The following PTPRN2 variants were observed in gnomAD, a reference collection of about 807,000 sequenced individuals.
PTPRN2 encodes protein tyrosine phosphatase receptor type N2.
A neutral mutation model predicts 118.8 loss-of-function variants in PTPRN2; 74 were observed. The observed-to-expected ratio is 0.62, with a 90% CI of 0.52 to 0.76. The LOEUF is 0.76. Among genes scored for constraint, PTPRN2 ranks in the 30% least tolerant of loss-of-function variants. The pLI is 0.00. For missense variants in PTPRN2, 1,481 were observed against 1,394.4 expected (o/e 1.06, Z -0.99); for synonymous variants, 641 against 608.0 (o/e 1.05, Z -0.80).
chr7:157,959,652 T>C (rs916997947), intron 11 of PTPRN2, among the ~76,000 whole-genome samples: 3 of 152,128 alleles, frequency 2.0e-5, no homozygotes, highest in African/African-American at 7.2e-5. Flanking sequence ...TTCACACTCC[T>C]CAGGACGGCC....
chr7:158,220,746 T>C (rs1828295522), intron 3 of PTPRN2, among the ~76,000 whole-genome samples: 1 of 151,794 alleles, frequency 6.6e-6, no homozygotes, highest in Non-Finnish European at 1.5e-5. Context: ...CGCTCATGGA[T>C]AGGAAGAATC....
rs1352764688 is a variant in PTPRN2 at position 157,684,252 on chromosome 7, GAA to G, written c.1789-1317_1789-1316del. Among the ~76,000 whole-genome samples, 8 of 151,976 alleles carry G rather than the reference GAA, an allele frequency of 5.3e-5. No individual in the cohort carries two copies. The East Asian group carries it at 1.2e-3, about 22-fold the overall frequency. ...GTTAATGGAAACGCGGGTTAAATGA[GAA>G]AAGACGCCCGGATTTTCCTGCCTGG... On this transcript the variant is annotated intron_variant, in intron 12 of 22. Coordinates refer to ENST00000389418, the MANE Select transcript of PTPRN2 (RefSeq NM_002847.5).
intron 2 of PTPRN2, among the ~76,000 whole-genome samples, chr7:158,333,787 C>T (rs1409962180): frequency 1.0e-4 from 15 of 147,850 alleles, no homozygotes; most frequent in Non-Finnish European, 2.2e-4. Flanking sequence ...CACACACACA[C>T]TCTCACCATA....
chr7:158,184,172 T>C (rs1437748822), intron 5 of PTPRN2, among the ~76,000 whole-genome samples: 1 of 152,166 alleles, frequency 6.6e-6, no homozygotes, highest in East Asian at 1.9e-4. Flanking sequence ...TTTTTAAGGA[T>C]TGTGTTTTTG....
At chr7:158,181,733 A>G (rs1824726754) in intron 5 of PTPRN2, among the ~76,000 whole-genome samples, 1 of 152,178 alleles carries the variant, frequency 6.6e-6, no homozygotes, top group African/African-American at 2.4e-5. Flanking sequence ...TTGTATGCAT[A>G]GAAGTGTTCA....
At chr7:158,298,857 C>T (rs1372148054) in intron 3 of PTPRN2, among the ~76,000 whole-genome samples, 1 of 152,148 alleles carries the variant, frequency 6.6e-6, no homozygotes, top group Admixed American at 6.5e-5. Flanking sequence ...CAGCCCAGAC[C>T]CAGGGGTAAA....
intron 11 of PTPRN2, among the ~76,000 whole-genome samples, chr7:158,024,726 GC>G (rs1330741138): frequency 1.3e-5 from 2 of 150,566 alleles, no homozygotes; most frequent in South Asian, 2.1e-4. Context: ...CAGGAAGGGG[GC>G]CAAGGCCAGC....
intron 11 of PTPRN2, among the ~76,000 whole-genome samples, chr7:158,033,167 T>C (rs1392547643): frequency 7.7e-5 from 6 of 77,852 alleles, no homozygotes; most frequent in South Asian, 3.4e-4. Flanking sequence ...GACAGAGCCA[T>C]TGGGGGCCAC....
intron 12 of PTPRN2, among the ~76,000 whole-genome samples, chr7:157,770,966 C>T (rs529483056): frequency 1.3e-5 from 2 of 152,348 alleles, no homozygotes; most frequent in African/African-American, 2.4e-5. Flanking sequence ...CCCGCTTGGC[C>T]GGTTGAGGCA....
intron 2 of PTPRN2, among the ~76,000 whole-genome samples, chr7:158,462,060 C>G (rs1379036390): frequency 1.3e-5 from 2 of 152,304 alleles, no homozygotes; most frequent in African/African-American, 4.8e-5. Context: ...CTTTCAGACC[C>G]CCTGTGCTTC....
chr7:158,122,528 A>T (rs1017251300), intron 9 of PTPRN2, among the ~76,000 whole-genome samples: 4 of 152,194 alleles, frequency 2.6e-5, no homozygotes, highest in African/African-American at 9.6e-5. Flanking sequence ...ACCCCTAAAA[A>T]TCAGACTAGT....
rs562012949 is a variant in PTPRN2, at chr7:158,079,657, C to T, written c.1723+1641G>A. ...TGCATTTCTGCATAATACCTGATCA[C>T]GGATTTGGTCTTAAATATCTCCAAT... On this transcript the variant is annotated intron_variant, in intron 11 of 22. Transcript: ENST00000389418. Among the ~76,000 whole-genome samples, 11 of 152,322 alleles carry T rather than the reference C, an allele frequency of 7.2e-5. No individual in the cohort carries two copies. In the South Asian group the frequency reaches 1.5e-3, roughly 20 times the overall value.
intron 11 of PTPRN2, among the ~76,000 whole-genome samples, chr7:157,921,741 G>C (rs1216998078): frequency 6.6e-6 from 1 of 152,172 alleles, no homozygotes; most frequent in Non-Finnish European, 1.5e-5. Context: ...CCATGCCCTC[G>C]GACTTCCCAG....
At position 158,251,225 on chromosome 7, in the gene PTPRN2, C is replaced by T. The variant is rs148406942; in HGVS notation, c.278-45952G>A. 7.9e-5 allele frequency among the ~76,000 whole-genome samples: 12 copies of T among 152,234 alleles called. No individual in the cohort carries two copies. The East Asian group carries it at 1.7e-3, about 22-fold the overall frequency. ...GCTCAGGGTCAAAGAACTGGGCTCC[C>T]GTCCTGCCTGCTGAGGTCCCTGGGG... On this transcript the variant is annotated intron_variant, in intron 3 of 22. Transcript: ENST00000389418.
At chr7:157,557,648 T>C (rs1011845068) in intron 21 of PTPRN2, among the ~76,000 whole-genome samples, 5 of 151,994 alleles carry the variant, frequency 3.3e-5, no homozygotes, top group African/African-American at 1.2e-4. Flanking sequence ...TTATGAAAAT[T>C]ATAAGCAGGT....
At chr7:157,854,076 G>GCCAAC (rs1360531444) in intron 12 of PTPRN2, among the ~76,000 whole-genome samples, 2 of 152,208 alleles carry the variant, frequency 1.3e-5, no homozygotes, top group Admixed American at 6.5e-5. Flanking sequence ...TGAGTGGTGG[G>GCCAAC]CGATGAATCT....
At chr7:158,361,994 C>T (rs1809021581) in intron 2 of PTPRN2, among the ~76,000 whole-genome samples, 1 of 152,188 alleles carries the variant, frequency 6.6e-6, no homozygotes, top group African/African-American at 2.4e-5. Context: ...GAATCCCAGC[C>T]CCTTCCCCAT....
At chr7:157,725,867 G>A (rs61451360) in intron 12 of PTPRN2, among the ~76,000 whole-genome samples, 1 of 122,022 alleles carries the variant, frequency 8.2e-6, no homozygotes, top group Non-Finnish European at 1.6e-5. Flanking sequence ...ATATCCACAC[G>A]CAGAGGAGTG....
chr7:158,486,631 C>A (rs1053819792), intron 2 of PTPRN2, among the ~76,000 whole-genome samples: 2 of 152,096 alleles, frequency 1.3e-5, no homozygotes, highest in African/African-American at 2.4e-5. Context: ...AGGAATTGAC[C>A]CCCAGGGTCA....
Sources: gnomAD v4.1 joint callset for allele counts (sites outside exome capture counted in the v4.1 genomes callset) on GRCh38, gnomAD v4.1.1 for gene constraint, MANE v1.5 for transcripts, NCBI Gene and HGNC (gene_info 2026-07-23, HGNC 2026-07-21) for gene names.